The following RNASE4 variants were observed in gnomAD, a reference collection of about 807,000 sequenced individuals.
RNASE4 encodes the protein ribonuclease A family member 4.
For synonymous variants in RNASE4, 93 were observed against 71.4 expected (o/e 1.30, Z -1.52); for missense variants, 194 against 192.8 (o/e 1.01, Z -0.04).
At chr14:20,693,344 C>A (rs995445171) in intron 1 of RNASE4, 2 of 653,054 alleles carry the variant, frequency 3.1e-6, no homozygotes, top group African/African-American at 1.8e-5. Flanking sequence ...AGAGGTTGTG[C>A]TCAGGAAACT....
intron 1 of RNASE4, among the ~76,000 whole-genome samples, chr14:20,685,724 C>G (rs1337925220): frequency 6.6e-6 from 1 of 152,080 alleles, no homozygotes; most frequent in Non-Finnish European, 1.5e-5. Flanking sequence ...CTCTGATTGT[C>G]TAGAAAGTAC....
chr14:20,699,908 TCTC>T lies in RNASE4; in HGVS notation c.*97_*99del, dbSNP rs1172809722. The T allele has an allele frequency of 1.9e-6, 2 of 1,037,440 alleles. No individual in the cohort carries two copies. Among genetic ancestry groups the T allele is most frequent in the African/African-American group, 1.6e-5 (1 of 63,120 alleles). 64.3% of individuals were successfully genotyped at this position (1,037,440 alleles called of 1,614,324 possible). On this transcript the variant is annotated 3_prime_UTR_variant, in exon 2 of 2. Coordinates refer to ENST00000555835, the MANE Select transcript of RNASE4 (RefSeq NM_002937.5). ...TGCATTTGAGCTGTCCCAGGCTCTG[TCTC>T]CTCAGCTCATTTCCTACTCTTTTTC...
chr14:20,688,836 A>C, intron 1 of RNASE4: 3 of 985,424 alleles, frequency 3.0e-6, no homozygotes, highest in Non-Finnish European at 3.6e-6. Context: ...CTCCCGTTGA[A>C]GGGAAACTGC....
intron 1 of RNASE4, among the ~76,000 whole-genome samples, chr14:20,692,481 C>G (rs1361587883): frequency 6.6e-6 from 1 of 152,238 alleles, no homozygotes; most frequent in African/African-American, 2.4e-5. Context: ...GGTCTGTGGC[C>G]TGTCCGCCTA....
Position 20,700,067 on chromosome 14 carries a change from C to A in RNASE4, c.*252C>A. 1 of 490,454 alleles carries A rather than the reference C, an allele frequency of 2.0e-6. No homozygotes were observed. Among genetic ancestry groups the A allele is most frequent in the Non-Finnish European group, 3.7e-6 (1 of 267,008 alleles). The allele number at this position is 490,454 out of a possible 1,614,324, so 30.4% of individuals were successfully genotyped here. A position where few individuals can be genotyped will look rare whatever the true frequency, so the allele number is the denominator to read the frequency against. ...ACTGGTCAGCTTAGCTCTCTCAGATCCTATCCTGTGGAATTTAGTTATTAT... is the reference window on the plus strand; with the variant it reads ...ACTGGTCAGCTTAGCTCTCTCAGATACTATCCTGTGGAATTTAGTTATTAT... On this transcript the variant is annotated 3_prime_UTR_variant, in exon 2 of 2. Coordinates refer to ENST00000555835, the MANE Select transcript of RNASE4 (RefSeq NM_002937.5).
At chr14:20,696,908 C>T (rs1389193008) in intron 1 of RNASE4, among the ~76,000 whole-genome samples, 1 of 152,146 alleles carries the variant, frequency 6.6e-6, no homozygotes, top group East Asian at 1.9e-4. Context: ...TTCTCATGGT[C>T]ACAGCCTCAG....
chr14:20,687,051 A>G (rs1886459406), intron 1 of RNASE4, among the ~76,000 whole-genome samples: 1 of 152,240 alleles, frequency 6.6e-6, no homozygotes, highest in Admixed American at 6.5e-5. Flanking sequence ...CTGTCTGAAC[A>G]TTTAAAAAAT....
At position 20,689,611 on chromosome 14, in the gene RNASE4, A is replaced by G. The variant is rs948494479; in HGVS notation, c.-18+4853A>G. The stretch of plus-strand genomic sequence containing the variant: ...AACAGATTCATTTGATACAGAAGAT[A>G]AAGTTACTCTAAAGAACAGTTGGGG... On this transcript the variant is annotated intron_variant, in intron 1 of 1. Transcript: ENST00000555835. Among the ~76,000 whole-genome samples the G allele has an allele frequency of 3.3e-5, 5 of 152,224 alleles. No individual in the cohort carries two copies. In the East Asian group the frequency reaches 9.6e-4, roughly 29 times the overall value.
At chr14:20,698,375 C>T (rs2139036515) in intron 1 of RNASE4, among the ~76,000 whole-genome samples, 1 of 152,248 alleles carries the variant, frequency 6.6e-6, no homozygotes, top group Non-Finnish European at 1.5e-5. Context: ...ATAGAAACAG[C>T]AAGGAGAAGA....
chr14:20,693,394 G>A (rs1030474481), intron 1 of RNASE4: 3 of 961,236 alleles, frequency 3.1e-6, no homozygotes, highest in East Asian at 5.1e-5. Context: ...GACGAAGTGT[G>A]AGGTTAATGA....
intron 1 of RNASE4, among the ~76,000 whole-genome samples, chr14:20,697,279 C>T (rs1387067825): frequency 6.6e-6 from 1 of 152,162 alleles, no homozygotes; most frequent in Non-Finnish European, 1.5e-5. Context: ...CTCGAGGTGC[C>T]ACCGGAAGAG....
chr14:20,691,175 AGAG>A (rs1364722537), intron 1 of RNASE4, among the ~76,000 whole-genome samples: 2 of 152,178 alleles, frequency 1.3e-5, no homozygotes, highest in Admixed American at 1.3e-4. Context: ...GGTATTTCCT[AGAG>A]AAGACATTAG....
chr14:20,699,726 A>G lies in RNASE4; in HGVS notation c.355A>G (p.Asn119Asp). Residue 119 changes from asparagine (N) to aspartate (D), a missense_variant, in exon 2 of 2, where the codon AAC becomes GAC. Coordinates refer to ENST00000555835, the MANE Select transcript of RNASE4 (RefSeq NM_002937.5). ...GGACACAGGAAGTTCCAGGGCACCCAACTGCAGATATCGGGCCATAGCGAG... is the reference window on the plus strand; with the variant it reads ...GGACACAGGAAGTTCCAGGGCACCCGACTGCAGATATCGGGCCATAGCGAG... ...CRDTGSSRAP[N>D]CRYRAIASTR... The G allele has an allele frequency of 6.2e-7, 1 of 1,610,726 alleles. No individual in the cohort carries two copies. The highest frequency in any genetic ancestry group is 8.5e-7 in the Non-Finnish European group (1 of 1,180,032).
At chr14:20,694,725 AG>A (rs1477488434) in intron 1 of RNASE4, among the ~76,000 whole-genome samples, 1 of 152,228 alleles carries the variant, frequency 6.6e-6, no homozygotes, top group Non-Finnish European at 1.5e-5. Flanking sequence ...GTAGCTACTA[AG>A]CAGAATTTCC....
chr14:20,695,004 G>C (rs903856233), intron 1 of RNASE4, among the ~76,000 whole-genome samples: 1 of 152,058 alleles, frequency 6.6e-6, no homozygotes, highest in Admixed American at 6.6e-5. Context: ...CTCTTGTCAT[G>C]GTTATTTTAT....
At chr14:20,699,117 C>G in intron 1 of RNASE4, 1 of 470,902 alleles carries the variant, frequency 2.1e-6, no homozygotes, top group Non-Finnish European at 3.8e-6. Flanking sequence ...GTACTGGCCA[C>G]AGCAACTTCT....
intron 1 of RNASE4, among the ~76,000 whole-genome samples, chr14:20,695,975 C>T (rs1206042484): frequency 6.6e-6 from 1 of 152,192 alleles, no homozygotes; most frequent in Non-Finnish European, 1.5e-5. Context: ...ATCTCAAAAA[C>T]CTCTCAGGAA....
At chr14:20,699,332 C>T (rs1405740527) in intron 1 of RNASE4, 23 bp from the exon 2 acceptor site, 1 of 1,531,696 alleles carries the variant, frequency 6.5e-7, no homozygotes, top group Non-Finnish European at 8.8e-7. Flanking sequence ...CTTATTTCTC[C>T]TGCCCCTTGC....
intron 1 of RNASE4, among the ~76,000 whole-genome samples, chr14:20,689,777 G>A (rs4982326): frequency 0.13 from 19,663 of 151,966 alleles, 1,368 homozygotes; most frequent in African/African-American, 0.18. Context: ...TTAGCCAAGC[G>A]TGGTGGTGGC....
Sources: allele counts gnomAD v4.1 joint callset (sites outside exome capture counted in the v4.1 genomes callset), GRCh38; gene constraint gnomAD v4.1.1; transcripts MANE v1.5; gene names NCBI Gene and HGNC (gene_info 2026-07-23, HGNC 2026-07-21).